The following TXNDC16 variants were observed in gnomAD, a reference collection of about 807,000 sequenced individuals.
The protein encoded by TXNDC16 is thioredoxin domain containing 16.
Under a neutral mutation model 85.6 loss-of-function variants are expected in TXNDC16, and 74 were observed. That is an observed-to-expected ratio of 0.86 (90% CI 0.72 to 1.05). The LOEUF is 1.05. Among genes scored for constraint, TXNDC16 ranks in the 50% least tolerant of loss-of-function variants. TXNDC16 has a pLI of 0.00. For missense variants in TXNDC16, 959 were observed against 947.0 expected (o/e 1.01, Z -0.17); for synonymous variants, 335 against 326.5 (o/e 1.03, Z -0.28).
rs566028237 is a variant in TXNDC16, at chr14:52,541,352, C to A, written c.243+1019G>T. Among the ~76,000 whole-genome samples the A allele has an allele frequency of 2.0e-5, 3 of 152,196 alleles. 1 individual carries two copies. Among genetic ancestry groups the A allele is most frequent in the South Asian group, 4.1e-4 (2 of 4,822 alleles). ...TGCATAGTTATTAGCGACAGTCTACCAGTTACTAAACAGTATGATTATCCC... is the reference window on the plus strand; with the variant it reads ...TGCATAGTTATTAGCGACAGTCTACAAGTTACTAAACAGTATGATTATCCC... On this transcript the variant is annotated intron_variant, in intron 4 of 20. Transcript: ENST00000281741.
intron 6 of TXNDC16, among the ~76,000 whole-genome samples, chr14:52,534,255 T>A (rs1293228917): frequency 1.3e-5 from 2 of 152,166 alleles, no homozygotes; most frequent in African/African-American, 4.8e-5. Context: ...CATTTTATAC[T>A]CTGGCAAAAC....
chr14:52,532,581 C>T (rs996332055), intron 6 of TXNDC16, among the ~76,000 whole-genome samples: 3 of 152,012 alleles, frequency 2.0e-5, no homozygotes, highest in Admixed American at 6.6e-5. Context: ...GGACTACAGG[C>T]GCCCGCCACC....
chr14:52,538,955 A>C (rs771252518), intron 4 of TXNDC16, among the ~76,000 whole-genome samples: 1 of 152,156 alleles, frequency 6.6e-6, no homozygotes, highest in Non-Finnish European at 1.5e-5. Flanking sequence ...TAATATATGT[A>C]ATTTTAAAAA....
chr14:52,482,130 G>C, intron 14 of TXNDC16, 100 bp downstream of exon 14: 1 of 1,142,852 alleles, frequency 8.8e-7, no homozygotes, highest in South Asian at 1.6e-5. Context: ...CATAGTAACT[G>C]AAATTTTATG....
chr14:52,549,784 C>T (rs368387503), intron 1 of TXNDC16, among the ~76,000 whole-genome samples: 4 of 152,058 alleles, frequency 2.6e-5, no homozygotes, highest in East Asian at 3.9e-4. Context: ...ACTACAGGCG[C>T]CCGCCACCAC....
intron 16 of TXNDC16, among the ~76,000 whole-genome samples, chr14:52,464,470 T>G: frequency 6.6e-6 from 1 of 152,156 alleles, no homozygotes; most frequent in Non-Finnish European, 1.5e-5. Flanking sequence ...GAAGGAGGCC[T>G]AGTGTGAATA....
chr14:52,494,218 C>T (rs1476871194), intron 9 of TXNDC16, among the ~76,000 whole-genome samples: 2 of 152,020 alleles, frequency 1.3e-5, no homozygotes, highest in African/African-American at 4.8e-5. Flanking sequence ...GATTCCTACC[C>T]CCTAGTGAAC....
chr14:52,548,026 C>T (rs1047717899), intron 1 of TXNDC16, among the ~76,000 whole-genome samples: 1 of 152,182 alleles, frequency 6.6e-6, no homozygotes, highest in African/African-American at 2.4e-5. Flanking sequence ...AGTCAGTATA[C>T]ATGTGCAATG....
At chr14:52,435,486 G>A (rs2035004921) in intron 20 of TXNDC16, among the ~76,000 whole-genome samples, 1 of 152,120 alleles carries the variant, frequency 6.6e-6, no homozygotes, top group African/African-American at 2.4e-5. Flanking sequence ...GAATGAAGTA[G>A]TCAAAGATGA....
At chr14:52,480,934 A>G (rs1446363508) in intron 14 of TXNDC16, among the ~76,000 whole-genome samples, 1 of 145,948 alleles carries the variant, frequency 6.9e-6, no homozygotes, top group Non-Finnish European at 1.5e-5. Flanking sequence ...CGAGTGGACA[A>G]AGACACTGTG....
At chr14:52,524,683 T>C (rs1179281586) in intron 6 of TXNDC16, among the ~76,000 whole-genome samples, 1 of 152,048 alleles carries the variant, frequency 6.6e-6, no homozygotes, top group Non-Finnish European at 1.5e-5. Context: ...TTGTAGAGAC[T>C]GGGGTCTCAT....
At chr14:52,543,335 C>T (rs2037873477) in intron 3 of TXNDC16, 63 bp downstream of exon 3, 3 of 1,512,170 alleles carry the variant, frequency 2.0e-6, no homozygotes, top group Non-Finnish European at 2.7e-6. Flanking sequence ...TCCCACTGAA[C>T]TTACTGATTA....
In TXNDC16 at chr14:52,455,362, T is replaced by C. The variant is rs757294537; in HGVS notation, c.1804A>G (p.Ile602Val). The C allele has an allele frequency of 1.2e-6, 2 of 1,613,892 alleles. No individual in the cohort carries two copies. The highest frequency in any genetic ancestry group is 1.3e-5 in the African/African-American group (1 of 74,948). The part of the protein sequence containing the change: ...IPLASTHAQD[I>V]VQIITDALLE... ...AGTGCATCTGTTATTATTTGAACTA[T>C]GTCTTGTGCATGTGTGCTAGCTAGT... Residue 602 changes from isoleucine (I) to valine (V), a missense_variant, in exon 18 of 21, where the codon ATA (isoleucine) becomes GTA (valine). Physicochemically the swap from Ile to Val is conservative, Grantham distance 29 (BLOSUM62 3). Transcript: ENST00000281741.
intron 8 of TXNDC16, among the ~76,000 whole-genome samples, chr14:52,513,137 C>T (rs911378826): frequency 2.6e-5 from 4 of 152,126 alleles, no homozygotes; most frequent in African/African-American, 9.7e-5. Context: ...CATGCTATCT[C>T]TTTTACTACC....
chr14:52,551,495 T>C (rs1376580205), intron 1 of TXNDC16, among the ~76,000 whole-genome samples: 1 of 144,366 alleles, frequency 6.9e-6, no homozygotes, highest in East Asian at 2.0e-4. Context: ...AAAAAAAGCA[T>C]AGGACAAAGG....
At chr14:52,530,244 T>TATAACATATATTATATA (rs2037477607) in intron 6 of TXNDC16, among the ~76,000 whole-genome samples, 1 of 52,810 alleles carries the variant, frequency 1.9e-5, no homozygotes, top group Non-Finnish European at 2.9e-5. Context: ...TATAATAATA[T>TATAACATATATTATATA]ATAATATATA....
chr14:52,455,065 C>T (rs992182981), intron 18 of TXNDC16, among the ~76,000 whole-genome samples: 1 of 152,172 alleles, frequency 6.6e-6, no homozygotes, highest in Admixed American at 6.6e-5. Flanking sequence ...TGCTTTATAA[C>T]AAGTTTCACC....
chr14:52,532,514 G>A (rs896386294), intron 6 of TXNDC16, among the ~76,000 whole-genome samples: 2 of 151,904 alleles, frequency 1.3e-5, no homozygotes, highest in South Asian at 2.1e-4. Flanking sequence ...TCAGCTCACT[G>A]CAAGCTCCAC....
chr14:52,528,339 T>C (rs1851351145), intron 6 of TXNDC16, among the ~76,000 whole-genome samples: 1 of 152,132 alleles, frequency 6.6e-6, no homozygotes, highest in Non-Finnish European at 1.5e-5. Flanking sequence ...ACGCAGGCTT[T>C]TAGTTCATAG....
Sources: allele counts gnomAD v4.1 joint callset (sites outside exome capture counted in the v4.1 genomes callset), GRCh38; gene constraint gnomAD v4.1.1; transcripts MANE v1.5; gene names NCBI Gene and HGNC (gene_info 2026-07-23, HGNC 2026-07-21).